Variants in DLGAP4 observed in about 807,000 individuals in gnomAD.
The protein encoded by DLGAP4 is DLG associated protein 4.
A neutral mutation model predicts 86.9 loss-of-function variants in DLGAP4; 18 were observed. That is an observed-to-expected ratio of 0.21 (90% CI 0.14 to 0.31). DLGAP4 has a LOEUF of 0.31. Among genes scored for constraint, DLGAP4 ranks in the 10% least tolerant of loss-of-function variants. The pLI, the probability that DLGAP4 is intolerant of heterozygous loss-of-function variation, is 1.00. For synonymous variants in DLGAP4, 548 were observed against 574.3 expected (o/e 0.95, Z 0.65); for missense variants, 1,085 against 1,362.6 (o/e 0.80, Z 3.21).
At position 36,436,284 on chromosome 20, in the gene DLGAP4, C is replaced by G. The variant is rs1274137816; in HGVS notation, c.1175C>G (p.Ala392Gly). The change falls in exon 4 of 13, where the codon GCG becomes GGG. Residue 392 changes from alanine (A) to glycine (G), a missense_variant. By Grantham distance (60) the Ala-to-Gly change is moderately conservative. Coordinates refer to ENST00000339266, the MANE Select transcript of DLGAP4 (RefSeq NM_001365621.2). Reference protein sequence around the residue: ...GGSPKPSPKTAARRQSYLRAT... With the variant: ...GGSPKPSPKTGARRQSYLRAT... Reference sequence around the variant, plus strand: ...AGCCCCAAGCCCTCACCCAAGACCGCGGCGCGGCGCCAGAGCTATCTGAGG... The same window carrying G: ...AGCCCCAAGCCCTCACCCAAGACCGGGGCGCGGCGCCAGAGCTATCTGAGG... 1 of 1,604,912 alleles carries G rather than the reference C, an allele frequency of 6.2e-7. No individual in the cohort carries two copies. The highest frequency in any genetic ancestry group is 8.5e-7 in the Non-Finnish European group (1 of 1,179,130).
rs1470237250 is a variant in DLGAP4 at position 36,306,991 on chromosome 20, C to T, written c.-304+479C>T. On this transcript the variant is annotated intron_variant, in intron 1 of 12. Coordinates refer to ENST00000339266, the MANE Select transcript of DLGAP4 (RefSeq NM_001365621.2). The surrounding 1 kb of genome is among the most constrained non-coding windows in gnomAD (Gnocchi z 4.9). ...TTGGGAGAGCAGGGCTATGCCGGCC[C>T]GGGCATTCCTCCATTCAACCCAGCT... Among the ~76,000 whole-genome samples, 1 of 152,150 alleles carries T rather than the reference C, an allele frequency of 6.6e-6. No individual in the cohort carries two copies. The highest frequency in any genetic ancestry group is 1.9e-4 in the East Asian group (1 of 5,146).
At chr20:36,321,662 A>C (rs1195059635) in intron 1 of DLGAP4, among the ~76,000 whole-genome samples, 2 of 152,130 alleles carry the variant, frequency 1.3e-5, no homozygotes, top group Non-Finnish European at 2.9e-5. Flanking sequence ...CCTACTTATT[A>C]ATATGCCACC....
intron 2 of DLGAP4, among the ~76,000 whole-genome samples, chr20:36,406,773 TG>T (rs1292519878): frequency 6.6e-6 from 1 of 152,130 alleles, no homozygotes; most frequent in African/African-American, 2.4e-5. Flanking sequence ...CCCAGGGCAG[TG>T]GGCTGCAGAC....
At chr20:36,514,979 G>A (rs776004124) in intron 10 of DLGAP4, among the ~76,000 whole-genome samples, 14 of 152,140 alleles carry the variant, frequency 9.2e-5, no homozygotes, top group African/African-American at 1.7e-4. Context: ...GAGAGGACGC[G>A]TAGGACGTCT....
chr20:36,504,696 C>T (rs776434529), intron 10 of DLGAP4, among the ~76,000 whole-genome samples: 1 of 152,226 alleles, frequency 6.6e-6, no homozygotes, highest in Non-Finnish European at 1.5e-5. Flanking sequence ...GCCATCCTAA[C>T]GGCCATGAAG....
chr20:36,387,832 A>T (rs184992940), intron 2 of DLGAP4, among the ~76,000 whole-genome samples: 79 of 151,952 alleles, frequency 5.2e-4, no homozygotes, highest in African/African-American at 1.8e-3. Flanking sequence ...GTTTCTGGGA[A>T]CTCTGTTCTG....
chr20:36,362,719 G>A (rs2030561471), intron 1 of DLGAP4, among the ~76,000 whole-genome samples: 1 of 152,232 alleles, frequency 6.6e-6, no homozygotes, highest in Admixed American at 6.5e-5. Flanking sequence ...TTTAGTGAGA[G>A]GAGCAGGCAA....
chr20:36,432,319 T>G lies in DLGAP4; in HGVS notation c.602T>G (p.Ile201Ser). 2 of 1,613,708 alleles carry G rather than the reference T, an allele frequency of 1.2e-6. No individual in the cohort carries two copies. Among genetic ancestry groups the G allele is most frequent in the Non-Finnish European group, 1.7e-6 (2 of 1,179,856 alleles). The change falls in exon 3 of 13, where the codon ATC becomes AGC. Residue 201 changes from isoleucine (I) to serine (S), a missense_variant. Ile to Ser is a moderately radical substitution (Grantham distance 142). Coordinates refer to ENST00000339266, the MANE Select transcript of DLGAP4 (RefSeq NM_001365621.2). The surrounding 1 kb of genome is among the most constrained non-coding windows in gnomAD (Gnocchi z 6.5). ...GEPKRRSRSN[I>S]SGWWSSDDNL... ...CCCAAACGGCGCAGCCGCTCCAACA[T>G]CTCAGGCTGGTGGAGCTCCGATGAC...
chr20:36,396,345 A>G (rs1370139519), intron 2 of DLGAP4, among the ~76,000 whole-genome samples: 1 of 117,814 alleles, frequency 8.5e-6, no homozygotes, highest in Non-Finnish European at 1.7e-5. Flanking sequence ...ACGCACACAC[A>G]CACACACATA....
intron 2 of DLGAP4, among the ~76,000 whole-genome samples, chr20:36,396,634 C>G (rs76591999): frequency 1.8e-5 from 1 of 54,434 alleles, no homozygotes; most frequent in Admixed American, 1.6e-4. Flanking sequence ...AACACATACA[C>G]GCACACACCA....
At chr20:36,403,159 T>G (rs1362525557) in intron 2 of DLGAP4, among the ~76,000 whole-genome samples, 1 of 152,166 alleles carries the variant, frequency 6.6e-6, no homozygotes, top group African/African-American at 2.4e-5. Flanking sequence ...AGAAATGAAT[T>G]GGCTCACAGT....
rs943701281 is a variant in DLGAP4 at position 36,372,812 on chromosome 20, A to G, written c.-73+5537A>G. Among the ~76,000 whole-genome samples the G allele has an allele frequency of 6.0e-4, 92 of 152,322 alleles. 1 individual carries two copies. The highest frequency in any genetic ancestry group is 2.2e-3 in the African/African-American group (91 of 41,582). ...CCGGCCAGGCAATGCCATTTTCCGC[A>G]GCTATAGAAACAGTGCTGTAAATCT... On this transcript the variant is annotated intron_variant, in intron 2 of 12. Coordinates refer to ENST00000339266, the MANE Select transcript of DLGAP4 (RefSeq NM_001365621.2).
At chr20:36,489,855 CTTTTTTTTTTTTTT>C (rs764797081) in intron 7 of DLGAP4, among the ~76,000 whole-genome samples, 2 of 108,022 alleles carry the variant, frequency 1.9e-5, no homozygotes, top group Admixed American at 1.9e-4. Flanking sequence ...GCTAATTCTT[CTTTTTTTTTTTTTT>C]TTTTTTTTTG....
intron 2 of DLGAP4, among the ~76,000 whole-genome samples, chr20:36,374,529 G>T (rs1392931237): frequency 6.6e-6 from 1 of 152,246 alleles, no homozygotes; most frequent in Admixed American, 6.5e-5. Flanking sequence ...TGATCCTGAA[G>T]GCAGTGGGGA....
chr20:36,458,953 G>T (rs1481888613), intron 7 of DLGAP4, among the ~76,000 whole-genome samples: 1 of 152,178 alleles, frequency 6.6e-6, no homozygotes, highest in African/African-American at 2.4e-5. Flanking sequence ...AGAAGGAATG[G>T]TTACACAGCC....
Position 36,393,979 on chromosome 20 carries a change from C to G in DLGAP4, c.-73+26704C>G, listed in dbSNP as rs1486214475. On this transcript the variant is annotated intron_variant, in intron 2 of 12. Transcript: ENST00000339266. This position sits in a 1 kb window ranked among gnomAD's most constrained non-coding sequence, Gnocchi z 4.4. ...AGGGAGGTGGCCTTCACAGGGTGCC[C>G]CCTCCCTCCTCCATGCCGCACTGGC... 3.3e-5 allele frequency among the ~76,000 whole-genome samples: 5 copies of G among 152,152 alleles called. No individual in the cohort carries two copies. The highest frequency in any genetic ancestry group is 1.2e-4 in the African/African-American group (5 of 41,444).
intron 4 of DLGAP4, among the ~76,000 whole-genome samples, chr20:36,439,131 G>A (rs1215695729): frequency 2.0e-5 from 3 of 152,180 alleles, no homozygotes; most frequent in African/African-American, 4.8e-5. Flanking sequence ...GCACTTGTCC[G>A]CTGGCCACTG....
chr20:36,475,983 C>T (rs2034897017), intron 7 of DLGAP4, among the ~76,000 whole-genome samples: 1 of 151,916 alleles, frequency 6.6e-6, no homozygotes, highest in African/African-American at 2.4e-5. Flanking sequence ...CCTCAGCCTC[C>T]CGAGTAGCTG....
intron 2 of DLGAP4, among the ~76,000 whole-genome samples, chr20:36,428,706 T>C (rs2033046413): frequency 6.6e-6 from 1 of 152,268 alleles, no homozygotes; most frequent in African/African-American, 2.4e-5. Context: ...CCAGTCCTGG[T>C]TCCGTGTGGC....
Sources: gnomAD v4.1 joint callset for allele counts (sites outside exome capture counted in the v4.1 genomes callset) on GRCh38, gnomAD v4.1.1 for gene constraint, Gnocchi (gnomAD v3.1) non-coding constraint, MANE v1.5 for transcripts, NCBI Gene and HGNC (gene_info 2026-07-23, HGNC 2026-07-21) for gene names.